AP2A2: variants seen among roughly 807,000 people sequenced by gnomAD.
AP2A2 encodes adaptor related protein complex 2 subunit alpha 2.
A neutral mutation model predicts 104.2 loss-of-function variants in AP2A2; 32 were observed. The ratio of observed to expected loss-of-function variants is 0.31; its 90% CI spans 0.23 to 0.41. The LOEUF (loss-of-function observed/expected upper bound fraction) is 0.41. Ranked by LOEUF, AP2A2 falls within the 10% of genes least tolerant of loss-of-function variation. The probability of loss-of-function intolerance (pLI) is 1.00; values close to 1 mark genes in which losing one functional copy is unlikely to be tolerated. For synonymous variants in AP2A2, 539 were observed against 533.3 expected (o/e 1.01, Z -0.15); for missense variants, 912 against 1,261.0 (o/e 0.72, Z 4.19).
chr11:978,198 C>A (rs1308753433), intron 5 of AP2A2, among the ~76,000 whole-genome samples: 1 of 152,154 alleles, frequency 6.6e-6, no homozygotes, highest in East Asian at 1.9e-4. Flanking sequence ...AGGCCCCGGG[C>A]TCCTGCTGCA....
chr11:929,532 C>A (rs1349160854), intron 1 of AP2A2, among the ~76,000 whole-genome samples: 1 of 152,234 alleles, frequency 6.6e-6, no homozygotes. Flanking sequence ...GCTGAAATAT[C>A]GTTAAAGCCT....
At position 986,824 on chromosome 11, in the gene AP2A2, C is replaced by T. The variant is rs1243957568; in HGVS notation, c.1002C>T (p.Gly334=). ...TCGTCCGTGCCTGCAACCAGTTGGG[C>T]CAGTTTCTGCAGCACCGCGAGACCA... The part of the protein sequence containing the change: ...NLLVRACNQL[G]QFLQHRETNL... Residue 334 remains glycine (G), a synonymous_variant, in exon 9 of 22, where the codon GGC becomes GGT. Coordinates refer to ENST00000448903, the MANE Select transcript of AP2A2 (RefSeq NM_012305.4). 3 of 1,613,130 alleles carry T rather than the reference C, an allele frequency of 1.9e-6. No individual in the cohort carries two copies. The highest frequency in any genetic ancestry group is 1.3e-5 in the African/African-American group (1 of 74,930).
chr11:977,067 C>T (rs779961122), intron 4 of AP2A2, 28 bp from the exon 5 acceptor site: 10 of 1,612,604 alleles, frequency 6.2e-6, no homozygotes, highest in East Asian at 2.2e-5. Context: ...CAGCCTGTTG[C>T]GAGTGACTCT....
At position 993,257 on chromosome 11, in the gene AP2A2, C is replaced by T; in HGVS notation, c.1453-27C>T. 1 of 1,583,860 alleles carries T rather than the reference C, an allele frequency of 6.3e-7. No individual in the cohort carries two copies. The highest frequency in any genetic ancestry group is 8.6e-7 in the Non-Finnish European group (1 of 1,166,332). On this transcript the variant is annotated intron_variant, in intron 11 of 21. Coordinates refer to ENST00000448903, the MANE Select transcript of AP2A2 (RefSeq NM_012305.4). This position sits in a 1 kb window ranked among gnomAD's most constrained non-coding sequence, Gnocchi z 8.2. The stretch of plus-strand genomic sequence containing the variant: ...CCTTAACTCTGGCACCTGGCTGCCA[C>T]CCCGGCTCATTGTTTGTGCTTCGCA...
At chr11:951,695 G>C (rs1394189111) in intron 1 of AP2A2, among the ~76,000 whole-genome samples, 1 of 152,206 alleles carries the variant, frequency 6.6e-6, no homozygotes, top group Non-Finnish European at 1.5e-5. Context: ...TAAGTTGATA[G>C]CCCAGGGTCA....
chr11:925,916 C>A lies in AP2A2; in HGVS notation c.-106C>A. ...GAGGCGGCCGTGGTTAGGCGGCTCC[C>A]CGGCGGCTCCTCCGCGGCGGTGACG... On this transcript the variant is annotated 5_prime_UTR_variant, in exon 1 of 22. Coordinates refer to ENST00000448903, the MANE Select transcript of AP2A2 (RefSeq NM_012305.4). 1.1e-6 allele frequency: 1 copy of A among 874,636 alleles called. No individual in the cohort carries two copies. The highest frequency in any genetic ancestry group is 3.6e-5 in the East Asian group (1 of 27,514). 54.2% of individuals were successfully genotyped at this position (874,636 alleles called of 1,614,324 possible).
At chr11:941,789 T>C (rs1367883395) in intron 1 of AP2A2, among the ~76,000 whole-genome samples, 1 of 150,854 alleles carries the variant, frequency 6.6e-6, no homozygotes, top group Non-Finnish European at 1.5e-5. Context: ...GGTTTTGCCA[T>C]GTGGCTAGGC....
At position 968,476 on chromosome 11, in the gene AP2A2, A is replaced by G. The variant is rs1854702190; in HGVS notation, c.137-1693A>G. On this transcript the variant is annotated intron_variant, in intron 2 of 21. Transcript: ENST00000448903. This position sits in a 1 kb window ranked among gnomAD's most constrained non-coding sequence, Gnocchi z 4.2. The stretch of plus-strand genomic sequence containing the variant: ...CCCGTCCCCATCCCTGTCCCACAAA[A>G]CTCAGCCCAGTCGGGCCGCTGGTCC... 6.6e-6 allele frequency among the ~76,000 whole-genome samples: 1 copy of G among 151,098 alleles called. No individual in the cohort carries two copies. The highest frequency in any genetic ancestry group is 1.5e-5 in the Non-Finnish European group (1 of 67,746).
chr11:966,304 G>A (rs1341548380), intron 2 of AP2A2, among the ~76,000 whole-genome samples: 1 of 152,138 alleles, frequency 6.6e-6, no homozygotes, highest in African/African-American at 2.4e-5. Flanking sequence ...ACCATCCTGG[G>A]CAACGTGGTG....
chr11:982,905 C>T (rs1855299290), intron 6 of AP2A2, among the ~76,000 whole-genome samples: 1 of 152,166 alleles, frequency 6.6e-6, no homozygotes. Flanking sequence ...CCCACCTTGG[C>T]CTCCCAAAGT....
At chr11:1,005,129 C>T (rs565045019) in intron 16 of AP2A2, among the ~76,000 whole-genome samples, 17 of 152,268 alleles carry the variant, frequency 1.1e-4, no homozygotes, top group East Asian at 5.8e-4. Flanking sequence ...TGTGGTCTGT[C>T]GACGCAGTGG....
chr11:977,298 G>T, intron 5 of AP2A2, 74 bp downstream of exon 5: 2 of 1,509,608 alleles, frequency 1.3e-6, no homozygotes, highest in Non-Finnish European at 1.8e-6. Context: ...AGACACCATG[G>T]TGCGCCTTCT....
chr11:955,655 T>C (rs1439365964), intron 1 of AP2A2, among the ~76,000 whole-genome samples: 1 of 152,260 alleles, frequency 6.6e-6, no homozygotes, highest in East Asian at 1.9e-4. Context: ...AGGCACTTGA[T>C]TTTCCTGTTC....
intron 15 of AP2A2, 61 bp from the exon 16 acceptor site, chr11:1,003,661 A>G: frequency 1.7e-6 from 2 of 1,175,528 alleles, no homozygotes; most frequent in Non-Finnish European, 2.4e-6. Context: ...TTTCCAGAAC[A>G]AACCCTTGTG....
intron 2 of AP2A2, among the ~76,000 whole-genome samples, chr11:963,667 T>G (rs1315093739): frequency 1.3e-5 from 2 of 152,218 alleles, no homozygotes; most frequent in Non-Finnish European, 2.9e-5. Flanking sequence ...CTTGCTCTGT[T>G]GACCAGGCTG....
chr11:988,621 G>A lies in AP2A2; in HGVS notation c.1201G>A (p.Ala401Thr), dbSNP rs780490962. 3.1e-6 allele frequency: 5 copies of A among 1,613,484 alleles called. No homozygotes were observed. Among genetic ancestry groups the A allele is most frequent in the African/African-American group, 1.3e-5 (1 of 74,938 alleles). Residue 401 changes from alanine (A) to threonine (T), a missense_variant, in exon 10 of 22, where the codon GCC (alanine) becomes ACC (threonine). Around this residue, in one of 7 missense-constraint regions of AP2A2, gnomAD observed 350 missense variants for 487.0 expected, o/e 0.72. Transcript: ENST00000448903. ...LLYAMCDRSN[A>T]PQIVAEMLSY... ...CTACGCCATGTGCGACCGCAGCAAC[G>A]CCCCACAGATCGTGGCCGAGATGCT...
chr11:981,232 C>T lies in AP2A2; in HGVS notation c.638C>T (p.Thr213Ile), dbSNP rs1431472139. 11 of 1,613,532 alleles carry T rather than the reference C, an allele frequency of 6.8e-6. No homozygotes were observed. Among genetic ancestry groups the T allele is most frequent in the Non-Finnish European group, 9.3e-6 (11 of 1,179,776 alleles). ...VVTAATSLIT[T>I]LAQKNPEEFK... The stretch of plus-strand genomic sequence containing the variant: ...ACTGCAGCCACAAGTCTGATCACCA[C>T]TTTAGCACAGAAGAACCCAGAAGAG... The change falls in exon 6 of 22, where the codon ACT (threonine) becomes ATT (isoleucine). Residue 213 changes from threonine (T) to isoleucine (I), a missense_variant. By Grantham distance (89) the Thr-to-Ile change is moderately conservative. Coordinates refer to ENST00000448903, the MANE Select transcript of AP2A2 (RefSeq NM_012305.4).
Position 972,269 on chromosome 11 carries a change from T to TTGTG in AP2A2, c.473+14_473+15insTGTG. 6 of 1,573,862 alleles carry TTGTG rather than the reference T, an allele frequency of 3.8e-6. No homozygotes were observed. The highest frequency in any genetic ancestry group is 1.7e-4 in the Middle Eastern group (1 of 5,952). ...CCTCGTAGCCGGGTATGTGCCGGGC[T>TTGTG]CGTGCCGGGCTCCTGCTGAAGATGT... On this transcript the variant is annotated intron_variant, in intron 4 of 21. Coordinates refer to ENST00000448903, the MANE Select transcript of AP2A2 (RefSeq NM_012305.4).
At position 977,274 on chromosome 11, in the gene AP2A2, G is replaced by C. The variant is rs757783352; in HGVS notation, c.603+50G>C. 3 of 1,537,588 alleles carry C rather than the reference G, an allele frequency of 2.0e-6. No individual in the cohort carries two copies. In the South Asian group the frequency reaches 3.8e-5, roughly 19 times the overall value. ...CCCCGCTCCCCCAGGTGACCTTTGG[G>C]ATGGCCGTTGTGAAGACACCATGGT... On this transcript the variant is annotated intron_variant, in intron 5 of 21. Coordinates refer to ENST00000448903, the MANE Select transcript of AP2A2 (RefSeq NM_012305.4).
Sources: allele counts gnomAD v4.1 joint callset (sites outside exome capture counted in the v4.1 genomes callset), GRCh38; gene constraint gnomAD v4.1.1; regional missense constraint gnomAD v4.1.1; non-coding constraint Gnocchi (gnomAD v3.1); transcripts MANE v1.5; gene names NCBI Gene and HGNC (gene_info 2026-07-23, HGNC 2026-07-21).